Variants in F13A1 observed in about 807,000 individuals in gnomAD.
F13A1 encodes the protein coagulation factor XIII A chain.
Under a neutral mutation model 80.1 loss-of-function variants are expected in F13A1, and 47 were observed. The ratio of observed to expected loss-of-function variants is 0.59; its 90% CI spans 0.46 to 0.75. The LOEUF is 0.75. Among genes scored for constraint, F13A1 ranks in the 30% least tolerant of loss-of-function variants. F13A1 has a pLI of 0.00. For missense variants in F13A1, 817 were observed against 930.4 expected (o/e 0.88, Z 1.59); for synonymous variants, 349 against 344.9 (o/e 1.01, Z -0.13).
intron 3 of F13A1, among the ~76,000 whole-genome samples, chr6:6,284,120 G>A (rs935879487): frequency 6.6e-5 from 10 of 152,288 alleles, no homozygotes; most frequent in East Asian, 1.9e-4. Flanking sequence ...TTATGCATGC[G>A]CCTTCAGTAA....
At chr6:6,210,324 G>GAGATATATATATATATATATAT (rs1761580677) in intron 8 of F13A1, among the ~76,000 whole-genome samples, 10 of 82,908 alleles carry the variant, frequency 1.2e-4, no homozygotes, top group African/African-American at 1.5e-4. Context: ...TGTAGCATGT[G>GAGATATATATATATATATATAT]ATATATATAT....
chr6:6,157,695 C>T (rs1049276170), intron 13 of F13A1, among the ~76,000 whole-genome samples: 5 of 152,150 alleles, frequency 3.3e-5, no homozygotes, highest in Non-Finnish European at 7.3e-5. Flanking sequence ...ATAGGAGTCA[C>T]TATCTAGGAT....
intron 3 of F13A1, among the ~76,000 whole-genome samples, chr6:6,275,308 A>T (rs1757972933): frequency 6.6e-6 from 1 of 152,108 alleles, no homozygotes; most frequent in South Asian, 2.1e-4. Flanking sequence ...GGTTTTGTTC[A>T]TTCTTGAAAG....
chr6:6,193,284 ACAGT>A (rs1449749861), intron 10 of F13A1, among the ~76,000 whole-genome samples: 1 of 152,184 alleles, frequency 6.6e-6, no homozygotes, highest in Non-Finnish European at 1.5e-5. Context: ...ACACTAAAAA[ACAGT>A]CAATGAACAT....
At chr6:6,219,795 C>T (rs1219597030) in intron 8 of F13A1, among the ~76,000 whole-genome samples, 2 of 152,188 alleles carry the variant, frequency 1.3e-5, no homozygotes, top group East Asian at 1.9e-4. Context: ...ACAGAAATAG[C>T]ACAGTCATCT....
intron 6 of F13A1, among the ~76,000 whole-genome samples, chr6:6,241,478 T>C (rs144806367): frequency 6.6e-6 from 1 of 152,198 alleles, no homozygotes; most frequent in Non-Finnish European, 1.5e-5. Flanking sequence ...TAACAAGGTA[T>C]TATTACATAA....
chr6:6,211,079 G>T (rs1224781298), intron 8 of F13A1, among the ~76,000 whole-genome samples: 1 of 152,200 alleles, frequency 6.6e-6, no homozygotes, highest in East Asian at 1.9e-4. Context: ...CAGCCCCCTT[G>T]GGTTTGTAAT....
In F13A1 at chr6:6,144,923, A is replaced by G. The variant is rs1760250991; in HGVS notation, c.*696T>C. 6.5e-6 allele frequency: 1 copy of G among 154,474 alleles called. No homozygotes were observed. The highest frequency in any genetic ancestry group is 2.4e-5 in the African/African-American group (1 of 41,454). 9.6% of individuals were successfully genotyped at this position (154,474 alleles called of 1,614,324 possible). A position where few individuals can be genotyped will look rare whatever the true frequency, so the allele number is the denominator to read the frequency against. On this transcript the variant is annotated 3_prime_UTR_variant, in exon 15 of 15. Coordinates refer to ENST00000264870, the MANE Select transcript of F13A1 (RefSeq NM_000129.4). ...GACACATTCTATAAAATGCATCACA[A>G]AACTACATTATTCAATAGACTTGAG... is the stretch of plus-strand genomic sequence containing the variant.
At chr6:6,193,353 T>C (rs1324276123) in intron 10 of F13A1, among the ~76,000 whole-genome samples, 1 of 151,902 alleles carries the variant, frequency 6.6e-6, no homozygotes, top group African/African-American at 2.4e-5. Context: ...GTCAGCATGC[T>C]GGGAGGGAAG....
At chr6:6,173,409 CTTTTTTTTT>C (rs4053226) in intron 12 of F13A1, among the ~76,000 whole-genome samples, 2 of 78,098 alleles carry the variant, frequency 2.6e-5, no homozygotes, top group South Asian at 5.3e-4. Context: ...CCATTCTTTT[CTTTTTTTTT>C]TTTTTTTGAG....
chr6:6,270,375 C>G (rs771547298), intron 3 of F13A1, among the ~76,000 whole-genome samples: 8 of 152,134 alleles, frequency 5.3e-5, no homozygotes, highest in African/African-American at 1.9e-4. Flanking sequence ...TCCTTAAAGT[C>G]GCCTAAATTC....
chr6:6,190,552 G>C (rs1211938798), intron 10 of F13A1, among the ~76,000 whole-genome samples: 1 of 151,312 alleles, frequency 6.6e-6, no homozygotes, highest in African/African-American at 2.4e-5. Flanking sequence ...CAGGGGTCAG[G>C]GACCCACTTG....
intron 2 of F13A1, among the ~76,000 whole-genome samples, chr6:6,309,872 C>A (rs1758565949): frequency 6.6e-6 from 1 of 152,136 alleles, no homozygotes; most frequent in Admixed American, 6.6e-5. Flanking sequence ...CTTCTCTATT[C>A]CTACCCTCCC....
At chr6:6,175,753 T>A (rs1039685742) in intron 11 of F13A1, among the ~76,000 whole-genome samples, 3 of 152,230 alleles carry the variant, frequency 2.0e-5, no homozygotes, top group Admixed American at 1.3e-4. Context: ...GTGGTGCACC[T>A]AAGTTCTAAT....
chr6:6,269,813 A>G (rs1757896834), intron 3 of F13A1, among the ~76,000 whole-genome samples: 1 of 151,898 alleles, frequency 6.6e-6, no homozygotes, highest in South Asian at 2.1e-4. Flanking sequence ...TCCTGGGTTC[A>G]TGCCATTCTC....
At position 6,305,528 on chromosome 6, in the gene F13A1, C is replaced by T. The variant is rs754697772; in HGVS notation, c.142G>A (p.Val48Ile). The T allele has an allele frequency of 2.5e-6, 4 of 1,614,008 alleles. No individual in the cohort carries two copies. The East Asian group carries it at 8.9e-5, about 36-fold the overall frequency. Residue 48 changes from valine (V) to isoleucine (I), a missense_variant, in exon 3 of 15, where the codon GTC (valine) becomes ATC (isoleucine). By Grantham distance (29) the Val-to-Ile change is conservative. Coordinates refer to ENST00000264870, the MANE Select transcript of F13A1 (RefSeq NM_000129.4). ...TCCTTGAACAGGTGAACGCTCGTGACATTAAGAAACTCTATGAACAAGAAA... is the reference window on the plus strand; with the variant it reads ...TCCTTGAACAGGTGAACGCTCGTGATATTAAGAAACTCTATGAACAAGAAA... ...RGVNLQEFLNVTSVHLFKERW... is the reference protein window; with the variant it reads ...RGVNLQEFLNITSVHLFKERW...
intron 10 of F13A1, among the ~76,000 whole-genome samples, chr6:6,193,286 A>G (rs1258047640): frequency 6.6e-6 from 1 of 152,218 alleles, no homozygotes; most frequent in Non-Finnish European, 1.5e-5. Flanking sequence ...ACTAAAAAAC[A>G]GTCAATGAAC....
intron 9 of F13A1, 86 bp downstream of exon 9, chr6:6,197,137 G>T: frequency 7.8e-7 from 1 of 1,278,222 alleles, no homozygotes; most frequent in Non-Finnish European, 1.1e-6. Context: ...CCCAATGGGC[G>T]TGGTTCCCAC....
intron 8 of F13A1, among the ~76,000 whole-genome samples, chr6:6,205,402 C>T (rs557279165): frequency 1.3e-4 from 20 of 152,288 alleles, no homozygotes; most frequent in African/African-American, 3.6e-4. Flanking sequence ...AGGACATCAA[C>T]GCTAAATGCA....
Sources: allele counts gnomAD v4.1 joint callset (sites outside exome capture counted in the v4.1 genomes callset), GRCh38; gene constraint gnomAD v4.1.1; transcripts MANE v1.5; gene names NCBI Gene and HGNC (gene_info 2026-07-23, HGNC 2026-07-21).